Variants in DAB1 observed in about 807,000 individuals in gnomAD.
DAB1 encodes DAB adaptor protein 1, also known as disabled homolog 1.
A neutral mutation model predicts 64.6 loss-of-function variants in DAB1; 15 were observed. The observed-to-expected ratio is 0.23, with a 90% CI of 0.16 to 0.36. DAB1 has a LOEUF of 0.36. DAB1 is among the 10% of genes least tolerant of loss of function. DAB1 has a pLI of 1.00. For missense variants in DAB1, 596 were observed against 706.7 expected, an observed-to-expected ratio of 0.84 and a Z score of 1.78; for synonymous variants, 235 against 251.9, an observed-to-expected ratio of 0.93 and a Z score of 0.64.
chr1:58,141,303 A>G (rs969938803), intron 5 of DAB1, among the ~76,000 whole-genome samples: 2 of 152,182 alleles, frequency 1.3e-5, no homozygotes, highest in Non-Finnish European at 2.9e-5. Context: ...CACCTCTTAC[A>G]TGGTGGCAGG....
chr1:56,998,566 T>C (rs1335379012), intron 14 of DAB1, among the ~76,000 whole-genome samples: 3 of 152,226 alleles, frequency 2.0e-5, no homozygotes, highest in African/African-American at 4.8e-5. Context: ...CAGAAATTGC[T>C]AACAATTACC....
At chr1:58,225,719 ACCAAACAC>A (rs1442062017) in intron 4 of DAB1, among the ~76,000 whole-genome samples, 2 of 148,986 alleles carry the variant, frequency 1.3e-5, no homozygotes, top group Admixed American at 6.8e-5. Flanking sequence ...AGGACAAAAA[ACCAAACAC>A]CCATGTTCTC....
intron 1 of DAB1, among the ~76,000 whole-genome samples, chr1:57,391,634 A>G (rs1429060897): frequency 1.3e-5 from 2 of 152,188 alleles, no homozygotes; most frequent in Non-Finnish European, 2.9e-5. Context: ...CAAGAAGACT[A>G]CAATACAGCT....
intron 5 of DAB1, among the ~76,000 whole-genome samples, chr1:58,028,281 G>A (rs190977226): frequency 1.8e-4 from 28 of 152,274 alleles, no homozygotes; most frequent in African/African-American, 6.3e-4. Context: ...TGATCAATAC[G>A]TAACATTGTT....
chr1:58,528,199 C>G (rs1419911300), intron 1 of DAB1, among the ~76,000 whole-genome samples: 1 of 152,338 alleles, frequency 6.6e-6, no homozygotes, highest in East Asian at 1.9e-4. Context: ...CATGAGCAGG[C>G]TGCATGTGCC....
intron 7 of DAB1, 51 bp from the exon 8 acceptor site, chr1:57,069,476 G>T: frequency 1.4e-6 from 2 of 1,462,818 alleles, no homozygotes; most frequent in South Asian, 2.3e-5. Flanking sequence ...AAAGAAGAAA[G>T]GTAAAACAAG....
chr1:57,741,534 G>T (rs530007577), intron 6 of DAB1, among the ~76,000 whole-genome samples: 1 of 152,308 alleles, frequency 6.6e-6, no homozygotes, highest in South Asian at 2.1e-4. Context: ...TTTAAATTCT[G>T]TTCCATGAGG....
intron 5 of DAB1, among the ~76,000 whole-genome samples, chr1:58,070,963 T>C (rs1476159612): frequency 1.3e-5 from 2 of 152,148 alleles, no homozygotes; most frequent in Non-Finnish European, 2.9e-5. Context: ...AAGTTTCCCC[T>C]GGAGCTCAGG....
chr1:58,321,597 C>T (rs1448763848), intron 4 of DAB1, among the ~76,000 whole-genome samples: 16 of 152,394 alleles, frequency 1.0e-4, no homozygotes, highest in Admixed American at 7.8e-4. Flanking sequence ...AAATGGCACA[C>T]CAGGAGATTA....
At chr1:58,482,068 C>T (rs1245519962) in intron 3 of DAB1, among the ~76,000 whole-genome samples, 1 of 152,184 alleles carries the variant, frequency 6.6e-6, no homozygotes, top group African/African-American at 2.4e-5. Flanking sequence ...AAAGTAATCA[C>T]AGTGTACTAT....
At chr1:57,556,571 A>G (rs1195215303) in intron 7 of DAB1, among the ~76,000 whole-genome samples, 1 of 151,888 alleles carries the variant, frequency 6.6e-6, no homozygotes, top group Non-Finnish European at 1.5e-5. Flanking sequence ...GGCCATTTGT[A>G]TATCTTCTTT....
chr1:57,504,727 T>C (rs994081630), intron 7 of DAB1, among the ~76,000 whole-genome samples: 2 of 152,190 alleles, frequency 1.3e-5, no homozygotes, highest in African/African-American at 4.8e-5. Flanking sequence ...TAGTTACTTT[T>C]GAGTGGAGAA....
chr1:58,388,349 G>T (rs1361772276), intron 3 of DAB1, among the ~76,000 whole-genome samples: 1 of 152,158 alleles, frequency 6.6e-6, no homozygotes, highest in African/African-American at 2.4e-5. Context: ...GCCAATAGAT[G>T]TTAAGTAAAA....
At chr1:57,207,597 C>T (rs1345012558) in intron 2 of DAB1, among the ~76,000 whole-genome samples, 1 of 148,482 alleles carries the variant, frequency 6.7e-6, no homozygotes, top group African/African-American at 2.5e-5. Context: ...GCGCCCGCCA[C>T]TACGCCCAGC....
chr1:58,151,602 G>A (rs537788208), intron 4 of DAB1, among the ~76,000 whole-genome samples: 2 of 152,144 alleles, frequency 1.3e-5, no homozygotes, highest in Non-Finnish European at 2.9e-5. Flanking sequence ...TTGCATAGAA[G>A]GCTATCTTAA....
At chr1:57,023,085 T>C (rs1646673437) in intron 11 of DAB1, among the ~76,000 whole-genome samples, 1 of 152,258 alleles carries the variant, frequency 6.6e-6, no homozygotes, top group Admixed American at 6.5e-5. Context: ...CTCCCCACTT[T>C]GTCTGGGGAC....
intron 3 of DAB1, among the ~76,000 whole-genome samples, chr1:58,402,002 C>T (rs895504866): frequency 1.4e-4 from 22 of 152,162 alleles, no homozygotes; most frequent in African/African-American, 5.3e-4. Context: ...TCACAGCTGC[C>T]AACACTTGTA....
intron 5 of DAB1, among the ~76,000 whole-genome samples, chr1:58,082,834 T>C (rs72906545): frequency 0.025 from 3,751 of 151,888 alleles, 138 homozygotes; most frequent in East Asian, 0.12. Flanking sequence ...CACCAGGAGT[T>C]TGGACATCCA....
intron 4 of DAB1, among the ~76,000 whole-genome samples, chr1:57,083,861 T>C (rs1168720392): frequency 1.3e-5 from 2 of 152,188 alleles, no homozygotes; most frequent in Admixed American, 1.3e-4. Context: ...GCTACTTTCG[T>C]TAACTTGGAC....
Sources: gnomAD v4.1 joint callset for allele counts (sites outside exome capture counted in the v4.1 genomes callset) on GRCh38, gnomAD v4.1.1 for gene constraint, MANE v1.5 for transcripts, NCBI Gene and HGNC (gene_info 2026-07-23, HGNC 2026-07-21) for gene names.